C8orf34: variants seen among roughly 807,000 people sequenced by gnomAD.
C8orf34 encodes the protein chromosome 8 open reading frame 34, also known as uncharacterized protein C8orf34.
C8orf34 carries 65 observed loss-of-function variants against 68.3 expected under a neutral mutation model. That is an observed-to-expected ratio of 0.95 (90% confidence interval 0.78 to 1.17). C8orf34 has a LOEUF of 1.17. Ranked by LOEUF, C8orf34 falls within the 50% of genes most tolerant of loss-of-function variation. The probability of loss-of-function intolerance (pLI) is 0.00; values close to 1 mark genes in which losing one functional copy is unlikely to be tolerated. For missense variants in C8orf34, 664 were observed against 655.4 expected (o/e 1.01, Z -0.14); for synonymous variants, 244 against 241.2 (o/e 1.01, Z -0.11).
intron 1 of C8orf34, among the ~76,000 whole-genome samples, chr8:68,338,968 T>C (rs1805963203): frequency 6.6e-6 from 1 of 152,120 alleles, no homozygotes; most frequent in Non-Finnish European, 1.5e-5. Context: ...TGATCTCTAA[T>C]GCAATGAATT....
At chr8:68,551,246 A>G (rs1298055809) in intron 7 of C8orf34, among the ~76,000 whole-genome samples, 1 of 151,586 alleles carries the variant, frequency 6.6e-6, no homozygotes, top group African/African-American at 2.4e-5. Context: ...AGTTTTATTG[A>G]CATAATCTGA....
At chr8:68,517,695 A>G (rs1367235926) in intron 5 of C8orf34, among the ~76,000 whole-genome samples, 2 of 152,230 alleles carry the variant, frequency 1.3e-5, no homozygotes, top group East Asian at 3.9e-4. Flanking sequence ...CCACTTTCTG[A>G]TTATACCCAA....
intron 7 of C8orf34, among the ~76,000 whole-genome samples, chr8:68,612,223 G>A (rs1045810123): frequency 1.4e-4 from 22 of 152,076 alleles, no homozygotes; most frequent in African/African-American, 5.1e-4. Flanking sequence ...CTATCTATGT[G>A]CCAGACACTA....
rs144757049 is a variant in C8orf34 at position 68,715,015 on chromosome 8, T to C, written c.1327+5936T>C. ...ATCTTTGACAAAGCAAACAAAAACATAAAGTGGGGAAGGGACACCCTATTC... is the reference window on the plus strand; with the variant it reads ...ATCTTTGACAAAGCAAACAAAAACACAAAGTGGGGAAGGGACACCCTATTC... On this transcript the variant is annotated intron_variant, in intron 9 of 13. Coordinates refer to ENST00000518698, the MANE Select transcript of C8orf34 (RefSeq NM_052958.4). Among the ~76,000 whole-genome samples the C allele has an allele frequency of 4.8e-3, 736 of 151,896 alleles. 8 individuals are homozygous for C. The highest frequency in any genetic ancestry group is 5.2e-3 in the Non-Finnish European group (353 of 67,902).
chr8:68,425,287 G>A (rs1045818860), intron 1 of C8orf34, among the ~76,000 whole-genome samples: 5 of 152,120 alleles, frequency 3.3e-5, no homozygotes, highest in African/African-American at 1.2e-4. Context: ...TGCCATTATA[G>A]TAAGGCAATA....
intron 8 of C8orf34, among the ~76,000 whole-genome samples, chr8:68,670,715 C>A (rs757061447): frequency 3.9e-5 from 6 of 152,096 alleles, no homozygotes; most frequent in Non-Finnish European, 5.9e-5. Flanking sequence ...ACCATCTGGC[C>A]CTTCTTTGAG....
chr8:68,707,834 G>T (rs1821214704), intron 8 of C8orf34, among the ~76,000 whole-genome samples: 1 of 152,094 alleles, frequency 6.6e-6, no homozygotes, highest in African/African-American at 2.4e-5. Flanking sequence ...AATATTTAAT[G>T]CACCTCTGTA....
At chr8:68,658,356 C>T (rs1199894315) in intron 8 of C8orf34, among the ~76,000 whole-genome samples, 2 of 152,218 alleles carry the variant, frequency 1.3e-5, no homozygotes, top group East Asian at 3.9e-4. Flanking sequence ...GAAGAGGTTA[C>T]TCCTTTGTTT....
At chr8:68,389,537 A>T (rs1201139358) in intron 1 of C8orf34, among the ~76,000 whole-genome samples, 1 of 152,142 alleles carries the variant, frequency 6.6e-6, no homozygotes, top group Non-Finnish European at 1.5e-5. Context: ...TACAACACCT[A>T]AGTATACTTG....
chr8:68,367,094 G>A (rs1807301233), intron 1 of C8orf34, among the ~76,000 whole-genome samples: 3 of 14,590 alleles, frequency 2.1e-4, no homozygotes, highest in African/African-American at 8.1e-4. Context: ...CGAAGGACAT[G>A]AACAGACACT....
chr8:68,399,308 G>A (rs1163203059), intron 1 of C8orf34, among the ~76,000 whole-genome samples: 2 of 151,950 alleles, frequency 1.3e-5, no homozygotes, highest in Admixed American at 1.3e-4. Context: ...TCAACCCCCC[G>A]TTCTACCCTC....
chr8:68,684,405 G>A (rs1781536531), intron 8 of C8orf34, among the ~76,000 whole-genome samples: 1 of 152,090 alleles, frequency 6.6e-6, no homozygotes, highest in African/African-American at 2.4e-5. Flanking sequence ...CAGTTTGGAT[G>A]GACATTGGGA....
intron 12 of C8orf34, among the ~76,000 whole-genome samples, chr8:68,789,494 G>C (rs567504143): frequency 3.3e-5 from 5 of 152,244 alleles, no homozygotes; most frequent in African/African-American, 1.2e-4. Context: ...ATCATGTAAA[G>C]GATATGCAAA....
chr8:68,395,131 A>AT lies in C8orf34; in HGVS notation c.328-44360dup, dbSNP rs995808949. 7.3e-5 allele frequency among the ~76,000 whole-genome samples: 11 copies of AT among 149,786 alleles called. No individual in the cohort carries two copies. In the South Asian group the frequency reaches 1.7e-3, roughly 23 times the overall value. On this transcript the variant is annotated intron_variant, in intron 1 of 13. Coordinates refer to ENST00000518698, the MANE Select transcript of C8orf34 (RefSeq NM_052958.4). The stretch of plus-strand genomic sequence containing the variant: ...AATATGTGGAAAAAGTACAAAAAGT[A>AT]TTTTTTTTAAACAACTATCAGTATG...
chr8:68,569,748 T>G (rs11994589), intron 7 of C8orf34, among the ~76,000 whole-genome samples: 2,409 of 152,328 alleles, frequency 0.016, 70 homozygotes, highest in African/African-American at 0.054. Flanking sequence ...TGTCAAGGAA[T>G]TCACAGGACA....
intron 7 of C8orf34, among the ~76,000 whole-genome samples, chr8:68,579,690 A>T (rs867600578): frequency 2.6e-4 from 39 of 152,252 alleles, no homozygotes; most frequent in South Asian, 1.9e-3. Context: ...TCATCCCATC[A>T]CCATTTGTGG....
intron 3 of C8orf34, among the ~76,000 whole-genome samples, chr8:68,452,133 G>A (rs1373595489): frequency 6.6e-6 from 1 of 151,704 alleles, no homozygotes; most frequent in Non-Finnish European, 1.5e-5. Context: ...TGGGTATTTT[G>A]TTTGCTTCTA....
chr8:68,617,948 A>T (rs567949468), intron 7 of C8orf34, among the ~76,000 whole-genome samples: 18 of 151,942 alleles, frequency 1.2e-4, no homozygotes, highest in Non-Finnish European at 1.8e-4. Flanking sequence ...TGGTCTTTTC[A>T]CATAGTCCCA....
chr8:68,618,660 AC>A (rs1390333792), intron 7 of C8orf34, among the ~76,000 whole-genome samples: 1 of 152,036 alleles, frequency 6.6e-6, no homozygotes, highest in Non-Finnish European at 1.5e-5. Context: ...GCACCACTCT[AC>A]CTGGCCTTTT....
Sources: allele counts gnomAD v4.1 joint callset (sites outside exome capture counted in the v4.1 genomes callset), GRCh38; gene constraint gnomAD v4.1.1; transcripts MANE v1.5; gene names NCBI Gene and HGNC (gene_info 2026-07-23, HGNC 2026-07-21).